Variants in PLCB1 observed in about 807,000 individuals in gnomAD.
The protein encoded by PLCB1 is 1-phosphatidylinositol 4,5-bisphosphate phosphodiesterase beta-1.
Under a neutral mutation model 161.8 loss-of-function variants are expected in PLCB1, and 46 were observed. The ratio of observed to expected loss-of-function variants is 0.28; its 90% confidence interval spans 0.22 to 0.36. The LOEUF (loss-of-function observed/expected upper bound fraction) is 0.36. Among genes scored for constraint, PLCB1 ranks in the 10% least tolerant of loss-of-function variants. The probability of loss-of-function intolerance (pLI) is 1.00; values close to 1 mark genes in which losing one functional copy is unlikely to be tolerated. For synonymous variants in PLCB1, 517 were observed against 503.7 expected (o/e 1.03, Z -0.35); for missense variants, 1,016 against 1,472.5 (o/e 0.69, Z 5.07).
chr20:8,850,256 C>T (rs1336808323), intron 31 of PLCB1, among the ~76,000 whole-genome samples: 4 of 152,206 alleles, frequency 2.6e-5, no homozygotes, highest in Admixed American at 2.6e-4. Context: ...AAAATACCCA[C>T]AGGCACAACA....
chr20:8,310,056 T>G (rs1984326064), intron 2 of PLCB1, among the ~76,000 whole-genome samples: 1 of 152,166 alleles, frequency 6.6e-6, no homozygotes, highest in Non-Finnish European at 1.5e-5. Flanking sequence ...TTTAATCAGT[T>G]TCAAACATTT....
chr20:8,602,985 G>A (rs1987637878), intron 3 of PLCB1, among the ~76,000 whole-genome samples: 2 of 151,974 alleles, frequency 1.3e-5, no homozygotes, highest in South Asian at 4.1e-4. Context: ...GCTTACTTTT[G>A]TAAAGCCCCA....
intron 31 of PLCB1, among the ~76,000 whole-genome samples, chr20:8,823,680 C>A (rs1305783437): frequency 6.6e-6 from 1 of 152,118 alleles, no homozygotes; most frequent in East Asian, 1.9e-4. Context: ...AGAGCATATT[C>A]CCTAGTGGCA....
chr20:8,202,204 G>A (rs2052099818), intron 2 of PLCB1, among the ~76,000 whole-genome samples: 1 of 140,510 alleles, frequency 7.1e-6, no homozygotes, highest in Non-Finnish European at 1.5e-5. Flanking sequence ...AGCCTTGTGT[G>A]GTAGCTGGAA....
At chr20:8,207,054 A>G (rs1165148585) in intron 2 of PLCB1, among the ~76,000 whole-genome samples, 1 of 145,374 alleles carries the variant, frequency 6.9e-6, no homozygotes, top group Non-Finnish European at 1.5e-5. Flanking sequence ...AGACTGTAAG[A>G]GGATGTTCAA....
intron 3 of PLCB1, among the ~76,000 whole-genome samples, chr20:8,498,621 A>G (rs951747149): frequency 5.9e-5 from 9 of 152,194 alleles, no homozygotes; most frequent in African/African-American, 2.2e-4. Context: ...ATGCATTACC[A>G]GAGACATGTG....
chr20:8,719,291 G>A (rs1216979807), intron 14 of PLCB1, among the ~76,000 whole-genome samples: 2 of 152,098 alleles, frequency 1.3e-5, no homozygotes, highest in Non-Finnish European at 2.9e-5. Context: ...CCTGTACCTC[G>A]GGAGTTCCAT....
At chr20:8,342,220 T>C (rs777216362) in intron 2 of PLCB1, among the ~76,000 whole-genome samples, 4 of 152,216 alleles carry the variant, frequency 2.6e-5, no homozygotes, top group Non-Finnish European at 5.9e-5. Context: ...TGCAAAGCAG[T>C]CATAAATGAT....
chr20:8,538,653 A>G (rs1020402949), intron 3 of PLCB1, among the ~76,000 whole-genome samples: 4 of 151,442 alleles, frequency 2.6e-5, no homozygotes, highest in African/African-American at 9.7e-5. Context: ...CCAGCTGATA[A>G]GGTACTCTTT....
intron 2 of PLCB1, among the ~76,000 whole-genome samples, chr20:8,333,999 C>T (rs1316402934): frequency 2.0e-5 from 3 of 152,146 alleles, no homozygotes; most frequent in Non-Finnish European, 4.4e-5. Context: ...CACCTGAGGT[C>T]GGGAGTTTGA....
chr20:8,669,730 G>A (rs1302136009), intron 9 of PLCB1, among the ~76,000 whole-genome samples: 1 of 152,180 alleles, frequency 6.6e-6, no homozygotes, highest in Non-Finnish European at 1.5e-5. Context: ...GCTTTATGCT[G>A]CAGAGCAGAG....
At chr20:8,135,183 C>T (rs1327845402) in intron 1 of PLCB1, among the ~76,000 whole-genome samples, 1 of 152,216 alleles carries the variant, frequency 6.6e-6, no homozygotes, top group Admixed American at 6.5e-5. Context: ...CTAGTTCTTT[C>T]ACCAGTAAGC....
chr20:8,254,894 T>C (rs1981331103), intron 2 of PLCB1, among the ~76,000 whole-genome samples: 1 of 152,064 alleles, frequency 6.6e-6, no homozygotes, highest in African/African-American at 2.4e-5. Flanking sequence ...ATATTGTATT[T>C]CCTTTGCCAA....
intron 9 of PLCB1, among the ~76,000 whole-genome samples, chr20:8,661,993 T>TAATTATTATATAATTATATATAATATAC (rs1989644954): frequency 3.5e-5 from 1 of 28,386 alleles, no homozygotes; most frequent in African/African-American, 1.3e-4. Flanking sequence ...TATAATTATA[T>TAATTATTATATAATTATATATAATATAC]AATTATTTAT....
At chr20:8,361,099 T>C (rs1986525333) in intron 2 of PLCB1, among the ~76,000 whole-genome samples, 1 of 152,240 alleles carries the variant, frequency 6.6e-6, no homozygotes, top group East Asian at 1.9e-4. Flanking sequence ...AAATGTATCA[T>C]GCACAGGGCT....
chr20:8,362,033 A>G (rs1986559928), intron 2 of PLCB1, among the ~76,000 whole-genome samples: 1 of 152,222 alleles, frequency 6.6e-6, no homozygotes, highest in Non-Finnish European at 1.5e-5. Flanking sequence ...AGAAAATTGT[A>G]ACAATGCCAT....
chr20:8,602,197 A>G (rs897320029), intron 3 of PLCB1, among the ~76,000 whole-genome samples: 5 of 152,184 alleles, frequency 3.3e-5, no homozygotes, highest in Admixed American at 2.6e-4. Context: ...AAAGAAGAGT[A>G]TATGACACCA....
intron 24 of PLCB1, among the ~76,000 whole-genome samples, chr20:8,758,360 C>T (rs1981846871): frequency 6.6e-6 from 1 of 151,952 alleles, no homozygotes; most frequent in Non-Finnish European, 1.5e-5. Flanking sequence ...GCAGGTGGAT[C>T]ACTTGAGGTC....
chr20:8,795,987 TAAG>T (rs1984009847), intron 31 of PLCB1, among the ~76,000 whole-genome samples: 1 of 152,194 alleles, frequency 6.6e-6, no homozygotes, highest in Admixed American at 6.5e-5. Context: ...ACTCTCTTTA[TAAG>T]AAGAATCATC....
Sources: gnomAD v4.1 joint callset for allele counts (sites outside exome capture counted in the v4.1 genomes callset) on GRCh38, gnomAD v4.1.1 for gene constraint, MANE v1.5 for transcripts, NCBI Gene and HGNC (gene_info 2026-07-23, HGNC 2026-07-21) for gene names.